The following ABTB3 variants were observed in gnomAD, a reference collection of about 807,000 sequenced individuals.
ABTB3 encodes ankyrin repeat- and BTB/POZ domain-containing protein 3.
At chr12:107,399,005 G>A in the ABTB3 span, among the ~76,000 whole-genome samples, 7 of 152,212 alleles carry the variant, frequency 4.6e-5, no homozygotes, top group East Asian at 5.8e-4. Context: ...CACTGAGAGT[G>A]AAAATTACCC....
At chr12:107,453,890 G>C in the ABTB3 span, among the ~76,000 whole-genome samples, 1 of 152,206 alleles carries the variant, frequency 6.6e-6, no homozygotes, top group Non-Finnish European at 1.5e-5. Flanking sequence ...TGCAAGTAGG[G>C]GTGAGGAGGG....
chr12:107,638,193 T>G, the ABTB3 span, among the ~76,000 whole-genome samples: 1 of 151,976 alleles, frequency 6.6e-6, no homozygotes, highest in African/African-American at 2.4e-5. Flanking sequence ...TTTTAAAAAA[T>G]GAGAAGAAGT....
At chr12:107,323,540 GA>G in the ABTB3 span, among the ~76,000 whole-genome samples, 1 of 152,198 alleles carries the variant, frequency 6.6e-6, no homozygotes, top group Non-Finnish European at 1.5e-5. Flanking sequence ...CTGTTTTGAA[GA>G]GCCGGGGAAA....
the ABTB3 span, among the ~76,000 whole-genome samples, chr12:107,517,033 G>A: frequency 1.3e-5 from 2 of 152,140 alleles, no homozygotes; most frequent in African/African-American, 4.8e-5. Flanking sequence ...AATCCATCTG[G>A]AATTAATTTT....
the ABTB3 span, among the ~76,000 whole-genome samples, chr12:107,469,969 T>C: frequency 1.0e-4 from 9 of 86,668 alleles, no homozygotes; most frequent in Admixed American, 3.3e-4. Context: ...TCTTTCTTTC[T>C]TTCTTTCTTT....
chr12:107,339,071 G>A, the ABTB3 span, among the ~76,000 whole-genome samples: 1 of 152,204 alleles, frequency 6.6e-6, no homozygotes, highest in African/African-American at 2.4e-5. Context: ...CAAAAGGAGA[G>A]GAGGATGTAA....
At chr12:107,530,708 C>G in the ABTB3 span, among the ~76,000 whole-genome samples, 1 of 152,220 alleles carries the variant, frequency 6.6e-6, no homozygotes, top group East Asian at 1.9e-4. Context: ...ATTATTTTAT[C>G]ATGTGGATGT....
At chr12:107,522,026 G>C in the ABTB3 span, among the ~76,000 whole-genome samples, 8 of 151,974 alleles carry the variant, frequency 5.3e-5, no homozygotes, top group Non-Finnish European at 1.2e-4. Flanking sequence ...CAAGATCAAG[G>C]TGGCAGACAA....
chr12:107,576,869 T>G, the ABTB3 span, among the ~76,000 whole-genome samples: 1 of 152,190 alleles, frequency 6.6e-6, no homozygotes, highest in Non-Finnish European at 1.5e-5. Context: ...GACCTCTTTG[T>G]GGGAGGGTCC....
At chr12:107,477,604 T>C in the ABTB3 span, among the ~76,000 whole-genome samples, 9 of 152,206 alleles carry the variant, frequency 5.9e-5, no homozygotes, top group African/African-American at 2.2e-4. Context: ...CTCAAAAGCA[T>C]TGTTTTATTT....
the ABTB3 span, among the ~76,000 whole-genome samples, chr12:107,436,381 C>T: frequency 6.6e-6 from 1 of 152,196 alleles, no homozygotes; most frequent in Non-Finnish European, 1.5e-5. Context: ...GAGTGACAAG[C>T]TGGGCTTGGG....
At chr12:107,319,170 C>A in the ABTB3 span, 1 of 1,599,336 alleles carries the variant, frequency 6.3e-7, no homozygotes, top group Non-Finnish European at 8.5e-7. Context: ...GTGGAAGACT[C>A]CGAGGGGCTG....
chr12:107,626,564 A>G, the ABTB3 span, among the ~76,000 whole-genome samples: 1 of 151,826 alleles, frequency 6.6e-6, no homozygotes, highest in South Asian at 2.1e-4. Context: ...TAGCCAGGAT[A>G]GTCTCGATCT....
At chr12:107,516,497 G>T in the ABTB3 span, among the ~76,000 whole-genome samples, 29 of 152,270 alleles carry the variant, frequency 1.9e-4, no homozygotes, top group African/African-American at 6.7e-4. Context: ...CTCCCAAAGT[G>T]CTGGGATTAC....
chr12:107,520,629 C>A, the ABTB3 span: 2 of 1,614,002 alleles, frequency 1.2e-6, no homozygotes, highest in Non-Finnish European at 1.7e-6. Flanking sequence ...GCAGCATCGC[C>A]GAATTGAGTA....
the ABTB3 span, chr12:107,612,761 G>C: frequency 7.5e-6 from 12 of 1,605,088 alleles, no homozygotes; most frequent in East Asian, 2.5e-4. Flanking sequence ...TCCGTTCTCT[G>C]GTTTTTAACT....
chr12:107,526,774 G>A, the ABTB3 span, among the ~76,000 whole-genome samples: 1 of 152,128 alleles, frequency 6.6e-6, no homozygotes, highest in Non-Finnish European at 1.5e-5. Flanking sequence ...GGTTTTCTGG[G>A]TTGTCTCTCC....
chr12:107,346,881 C>A, the ABTB3 span, among the ~76,000 whole-genome samples: 1 of 152,206 alleles, frequency 6.6e-6, no homozygotes, highest in African/African-American at 2.4e-5. Flanking sequence ...TATCACATCT[C>A]CATTCTGGTC....
chr12:107,514,956 T>C, the ABTB3 span, among the ~76,000 whole-genome samples: 1 of 152,206 alleles, frequency 6.6e-6, no homozygotes, highest in Non-Finnish European at 1.5e-5. Flanking sequence ...TTAACATATG[T>C]TGGGAACCTA....
Sources: gnomAD v4.1 joint callset for allele counts (sites outside exome capture counted in the v4.1 genomes callset) on GRCh38, gnomAD v4.1.1 for gene constraint, MANE v1.5 for transcripts, NCBI Gene and HGNC (gene_info 2026-07-23, HGNC 2026-07-21) for gene names.